Variants in ATP6V1C1 observed in about 807,000 individuals in gnomAD.
The protein encoded by ATP6V1C1 is V-type proton ATPase subunit C 1.
Under a neutral mutation model 53.9 loss-of-function variants are expected in ATP6V1C1, and 45 were observed. The ratio of observed to expected loss-of-function variants is 0.83; its 90% CI spans 0.66 to 1.07. The LOEUF (loss-of-function observed/expected upper bound fraction) is 1.07, where lower values mean the gene tolerates loss of function less well. ATP6V1C1 is among the 50% of genes least tolerant of loss of function. The pLI is 0.00. For synonymous variants in ATP6V1C1, 153 were observed against 155.2 expected, an observed-to-expected ratio of 0.99 and a Z score of 0.11; for missense variants, 315 against 440.3, an observed-to-expected ratio of 0.72 and a Z score of 2.55.
At chr8:103,041,070 A>C in intron 2 of ATP6V1C1, 102 bp downstream of exon 2, 1 of 1,302,960 alleles carries the variant, frequency 7.7e-7, no homozygotes, top group South Asian at 1.9e-5. Flanking sequence ...TTCCAAAGAA[A>C]ACCTCCTCTC....
At chr8:103,042,023 G>A (rs1817009893) in intron 2 of ATP6V1C1, among the ~76,000 whole-genome samples, 1 of 152,130 alleles carries the variant, frequency 6.6e-6, no homozygotes, top group Admixed American at 6.6e-5. Context: ...GCGCACATCC[G>A]TGGACCTCCT....
In ATP6V1C1 at chr8:103,069,813, T is replaced by G. The variant is rs1242463886; in HGVS notation, c.*1066T>G. The G allele has an allele frequency of 2.0e-5, 3 of 152,218 alleles. No individual in the cohort carries two copies. The highest frequency in any genetic ancestry group is 4.8e-5 in the African/African-American group (2 of 41,454). 9.4% of individuals were successfully genotyped at this position (152,218 alleles called of 1,614,324 possible). ...TGGGAAAAAAGTTTACATTTCAGTT[T>G]AGGGGCATATCTAAGCTATGCTATT... On this transcript the variant is annotated 3_prime_UTR_variant, in exon 13 of 13. Coordinates refer to ENST00000518738, the MANE Select transcript of ATP6V1C1 (RefSeq NM_001695.5).
At position 103,053,846 on chromosome 8, in the gene ATP6V1C1, C is replaced by T. The variant is rs1330864596; in HGVS notation, c.474-38C>T. 3.4e-6 allele frequency: 5 copies of T among 1,455,624 alleles called. No homozygotes were observed. In the East Asian group the frequency reaches 9.1e-5, roughly 27 times the overall value. 90.2% of individuals were successfully genotyped at this position (1,455,624 alleles called of 1,614,324 possible). Reference sequence around the variant, plus strand: ...TTTCTTTACTTGTGTTACAGAAGCACATAATTATCAGCCTAATGATTTGTT... The same window carrying T: ...TTTCTTTACTTGTGTTACAGAAGCATATAATTATCAGCCTAATGATTTGTT... On this transcript the variant is annotated intron_variant, in intron 6 of 12. Coordinates refer to ENST00000518738, the MANE Select transcript of ATP6V1C1 (RefSeq NM_001695.5).
At chr8:103,056,573 A>G (rs903567397) in intron 8 of ATP6V1C1, among the ~76,000 whole-genome samples, 1 of 152,208 alleles carries the variant, frequency 6.6e-6, no homozygotes, top group Non-Finnish European at 1.5e-5. Context: ...AAATGCTTAA[A>G]TAGTTGCCTG....
At chr8:103,062,838 A>C in intron 8 of ATP6V1C1, 117 bp from the exon 9 acceptor site, 1 of 764,032 alleles carries the variant, frequency 1.3e-6, no homozygotes, top group Non-Finnish European at 2.2e-6. Context: ...CATTGAGGTG[A>C]TTTGGGAAGG....
Position 103,055,930 on chromosome 8 carries a change from C to G in ATP6V1C1, c.635C>G (p.Ser212Cys), listed in dbSNP as rs764613192. 1.9e-6 allele frequency: 3 copies of G among 1,611,524 alleles called. No individual in the cohort carries two copies. Among genetic ancestry groups the G allele is most frequent in the Non-Finnish European group, 2.5e-6 (3 of 1,178,158 alleles). The change falls in exon 8 of 13, where the codon TCT (serine) becomes TGT (cysteine). Residue 212 changes from serine to cysteine, a missense_variant. By Grantham distance (112) the Ser-to-Cys change is moderately radical. Transcript: ENST00000518738. ...CTAGCCGAAATGGTAGTTCCAAGGT[C>G]TAGCAAGTAAGTAGAAGTCTTTGTA... ...ETLAEMVVPR[S>C]SNVLSEDQDS...
At chr8:103,038,844 A>AT (rs902236098) in intron 1 of ATP6V1C1, among the ~76,000 whole-genome samples, 31 of 152,300 alleles carry the variant, frequency 2.0e-4, no homozygotes, top group African/African-American at 7.0e-4. Context: ...GGATGGCCTC[A>AT]TTAGAGCATG....
chr8:103,039,539 A>G (rs1175092752), intron 1 of ATP6V1C1, among the ~76,000 whole-genome samples: 1 of 152,218 alleles, frequency 6.6e-6, no homozygotes, highest in African/African-American at 2.4e-5. Context: ...GAGACATTGA[A>G]TATTAGTTTC....
chr8:103,056,005 GA>G, intron 8 of ATP6V1C1, 69 bp downstream of exon 8: 1 of 1,455,728 alleles, frequency 6.9e-7, no homozygotes, highest in Non-Finnish European at 9.6e-7. Context: ...GTTGGCTTAG[GA>G]AATATGTTTG....
intron 4 of ATP6V1C1, among the ~76,000 whole-genome samples, chr8:103,050,470 C>T (rs1586320213): frequency 6.6e-6 from 1 of 150,878 alleles, no homozygotes; most frequent in South Asian, 2.1e-4. Flanking sequence ...TTGGTTTCAC[C>T]GTTCTTGATC....
At chr8:103,054,049 G>A (rs1158701930) in intron 7 of ATP6V1C1, 67 bp downstream of exon 7, 4 of 1,234,342 alleles carry the variant, frequency 3.2e-6, no homozygotes, top group Admixed American at 4.6e-5. Context: ...ATCTAGTATT[G>A]TAGTTTGAAG....
intron 8 of ATP6V1C1, among the ~76,000 whole-genome samples, chr8:103,062,359 C>T (rs1817417614): frequency 6.6e-6 from 1 of 151,666 alleles, no homozygotes; most frequent in African/African-American, 2.4e-5. Context: ...TTTGTACAGA[C>T]ACAGTCTTGC....
At chr8:103,066,277 C>T in intron 11 of ATP6V1C1, 44 bp from the exon 12 acceptor site, 2 of 1,565,842 alleles carry the variant, frequency 1.3e-6, no homozygotes, top group Non-Finnish European at 1.7e-6. Flanking sequence ...AATCTCTTTA[C>T]ATGTTTGCTT....
In ATP6V1C1 at chr8:103,040,912, A is replaced by G. The variant is rs1440913689; in HGVS notation, c.76A>G (p.Thr26Ala). The change falls in exon 2 of 13, where the codon ACT (threonine) becomes GCT (alanine). Residue 26 changes from threonine (T) to alanine (A), a missense_variant. Thr to Ala is a moderately conservative substitution (Grantham distance 58). Coordinates refer to ENST00000518738, the MANE Select transcript of ATP6V1C1 (RefSeq NM_001695.5). ...QQTWEKLHAATSKNNNLAVTS... is the reference protein window; with the variant it reads ...QQTWEKLHAAASKNNNLAVTS... ...AACATGGGAGAAATTGCATGCGGCAACTTCAAAGAACAATAATCTTGCTGT... is the reference window on the plus strand; with the variant it reads ...AACATGGGAGAAATTGCATGCGGCAGCTTCAAAGAACAATAATCTTGCTGT... 1.9e-6 allele frequency: 3 copies of G among 1,614,142 alleles called. No individual in the cohort carries two copies. Among genetic ancestry groups the G allele is most frequent in the Non-Finnish European group, 2.5e-6 (3 of 1,180,000 alleles).
chr8:103,070,105 T>C lies in ATP6V1C1; in HGVS notation c.*1358T>C, dbSNP rs922121204. The C allele has an allele frequency of 6.6e-6, 1 of 152,248 alleles. No homozygotes were observed. The highest frequency in any genetic ancestry group is 2.4e-5 in the African/African-American group (1 of 41,466). The allele number at this position is 152,248 out of a possible 1,614,324, so 9.4% of individuals were successfully genotyped here. On this transcript the variant is annotated 3_prime_UTR_variant, in exon 13 of 13. Transcript: ENST00000518738. ...ACACACATCCTGTCACTTGCTTTTTTGCTTAAGAGTATATCTAAGAGAATC... is the reference window on the plus strand; with the variant it reads ...ACACACATCCTGTCACTTGCTTTTTCGCTTAAGAGTATATCTAAGAGAATC...
At chr8:103,032,001 T>TA (rs58257930) in intron 1 of ATP6V1C1, among the ~76,000 whole-genome samples, 1,298 of 109,606 alleles carry the variant, frequency 0.012, 12 homozygotes, top group African/African-American at 0.028. Context: ...GCATATATTG[T>TA]AAAAAAAAAA....
intron 8 of ATP6V1C1, among the ~76,000 whole-genome samples, chr8:103,057,536 C>G (rs1044842136): frequency 6.6e-6 from 1 of 152,170 alleles, no homozygotes; most frequent in South Asian, 2.1e-4. Context: ...TTAGGGTTTT[C>G]CTTTCAATTT....
intron 8 of ATP6V1C1, among the ~76,000 whole-genome samples, chr8:103,057,326 C>G (rs1817304998): frequency 6.6e-6 from 1 of 152,196 alleles, no homozygotes; most frequent in Non-Finnish European, 1.5e-5. Flanking sequence ...AAAGGTCACA[C>G]TCCTGTGCAA....
intron 8 of ATP6V1C1, among the ~76,000 whole-genome samples, chr8:103,062,585 A>G (rs1817421644): frequency 6.6e-6 from 1 of 152,208 alleles, no homozygotes; most frequent in South Asian, 2.1e-4. Context: ...GCCTGGAGAA[A>G]GGAAGAAAGA....
Sources: gnomAD v4.1 joint callset for allele counts (sites outside exome capture counted in the v4.1 genomes callset) on GRCh38, gnomAD v4.1.1 for gene constraint, MANE v1.5 for transcripts, NCBI Gene and HGNC (gene_info 2026-07-23, HGNC 2026-07-21) for gene names.